The following UNC5B variants were observed in gnomAD, a reference collection of about 807,000 sequenced individuals.
UNC5B encodes the protein netrin receptor UNC5B.
Under a neutral mutation model 103.7 loss-of-function variants are expected in UNC5B, and 56 were observed. The observed-to-expected ratio is 0.54, with a 90% CI of 0.44 to 0.67. UNC5B has a LOEUF of 0.67. Among genes scored for constraint, UNC5B ranks in the 30% least tolerant of loss-of-function variants. UNC5B has a pLI of 0.00. For synonymous variants in UNC5B, 577 were observed against 542.0 expected, an observed-to-expected ratio of 1.06 and a Z score of -0.90; for missense variants, 1,194 against 1,284.5, an observed-to-expected ratio of 0.93 and a Z score of 1.08.
intron 1 of UNC5B, among the ~76,000 whole-genome samples, chr10:71,245,058 A>C (rs1843995523): frequency 6.6e-6 from 1 of 152,226 alleles, no homozygotes; most frequent in Non-Finnish European, 1.5e-5. Context: ...GAGGAATCAG[A>C]GTTCAGGAAA....
intron 1 of UNC5B, among the ~76,000 whole-genome samples, chr10:71,259,498 A>G (rs1354400491): frequency 6.6e-6 from 1 of 152,116 alleles, no homozygotes; most frequent in African/African-American, 2.4e-5. Context: ...TGTTCTGTTC[A>G]CCCATTCAAA....
intron 1 of UNC5B, among the ~76,000 whole-genome samples, chr10:71,234,027 AT>A (rs1843729727): frequency 2.0e-5 from 3 of 152,202 alleles, no homozygotes; most frequent in Non-Finnish European, 4.4e-5. Flanking sequence ...TATGTGTTAT[AT>A]GGCTCCCTTC....
intron 1 of UNC5B, among the ~76,000 whole-genome samples, chr10:71,228,128 A>G (rs1345869663): frequency 6.6e-6 from 1 of 152,222 alleles, no homozygotes; most frequent in African/African-American, 2.4e-5. Context: ...TTTTTAATAA[A>G]TGGTGCTCGG....
intron 1 of UNC5B, chr10:71,217,303 G>C (rs59587808): frequency 0.17 from 26,097 of 152,550 alleles, 2,537 homozygotes; most frequent in African/African-American, 0.27. Context: ...AGAACACTTT[G>C]CGGAAGGCCT....
At chr10:71,249,595 C>T (rs1381437829) in intron 1 of UNC5B, among the ~76,000 whole-genome samples, 1 of 152,180 alleles carries the variant, frequency 6.6e-6, no homozygotes, top group African/African-American at 2.4e-5. Context: ...ATGTGGCTTT[C>T]CAGCTGTCAT....
At chr10:71,225,924 G>T (rs534307199) in intron 1 of UNC5B, among the ~76,000 whole-genome samples, 1 of 152,026 alleles carries the variant, frequency 6.6e-6, no homozygotes, top group Non-Finnish European at 1.5e-5. Context: ...CCCCTCACAC[G>T]GCTCCTCTGC....
At chr10:71,227,315 G>T (rs1843584828) in intron 1 of UNC5B, among the ~76,000 whole-genome samples, 1 of 151,940 alleles carries the variant, frequency 6.6e-6, no homozygotes, top group Non-Finnish European at 1.5e-5. Flanking sequence ...AAGTAACTCA[G>T]GAATGGAAAA....
chr10:71,266,626 G>C (rs1844529786), intron 1 of UNC5B, among the ~76,000 whole-genome samples: 1 of 152,214 alleles, frequency 6.6e-6, no homozygotes, highest in African/African-American at 2.4e-5. Flanking sequence ...TGTCATCACA[G>C]AGTGGGCCAA....
intron 1 of UNC5B, among the ~76,000 whole-genome samples, chr10:71,219,109 C>A (rs1246460771): frequency 6.6e-6 from 1 of 152,090 alleles, no homozygotes; most frequent in Admixed American, 6.5e-5. Flanking sequence ...TCCCTCGCCC[C>A]ACCCTGGTGT....
intron 1 of UNC5B, among the ~76,000 whole-genome samples, chr10:71,240,187 C>T (rs940947362): frequency 1.3e-5 from 2 of 152,218 alleles, no homozygotes; most frequent in African/African-American, 4.8e-5. Context: ...TGTGCCCCCT[C>T]CCCCCATGGG....
chr10:71,294,070 C>T, intron 13 of UNC5B, 137 bp downstream of exon 13: 1 of 761,218 alleles, frequency 1.3e-6, no homozygotes, highest in South Asian at 1.9e-5. Flanking sequence ...CGCTTGCGAC[C>T]CTCACACACT....
intron 1 of UNC5B, among the ~76,000 whole-genome samples, chr10:71,266,355 C>G (rs769199902): frequency 7.2e-5 from 11 of 152,124 alleles, no homozygotes; most frequent in African/African-American, 9.7e-5. Flanking sequence ...TGGTGCCCCT[C>G]CTGGAGGAGC....
chr10:71,296,535 A>G, intron 14 of UNC5B, 43 bp from the exon 15 acceptor site: 2 of 1,605,756 alleles, frequency 1.2e-6, no homozygotes, highest in Non-Finnish European at 1.7e-6. Context: ...AGGACAGGGC[A>G]GGCTGGCCTT....
intron 1 of UNC5B, among the ~76,000 whole-genome samples, chr10:71,264,971 TAAAAAAA>T (rs34240729): frequency 8.3e-6 from 1 of 120,848 alleles, no homozygotes; most frequent in Non-Finnish European, 1.8e-5. Flanking sequence ...CCTGTCTCTA[TAAAAAAA>T]AAAAAAAAAA....
At chr10:71,276,661 T>C (rs1844778618) in intron 1 of UNC5B, among the ~76,000 whole-genome samples, 1 of 152,242 alleles carries the variant, frequency 6.6e-6, no homozygotes, top group Non-Finnish European at 1.5e-5. Context: ...CTCGAGCTCC[T>C]GAGCTCAGGC....
At chr10:71,232,326 C>T (rs962622680) in intron 1 of UNC5B, among the ~76,000 whole-genome samples, 2 of 152,192 alleles carry the variant, frequency 1.3e-5, no homozygotes, top group Non-Finnish European at 2.9e-5. Context: ...CACACCACCG[C>T]GTATGTGTTA....
intron 1 of UNC5B, among the ~76,000 whole-genome samples, chr10:71,270,384 G>A (rs1650191252): frequency 7.0e-6 from 1 of 143,260 alleles, no homozygotes; most frequent in African/African-American, 2.6e-5. Flanking sequence ...GGGAGGCAGG[G>A]AGGGAGGGAG....
intron 1 of UNC5B, among the ~76,000 whole-genome samples, chr10:71,222,526 C>CT (rs936595072): frequency 2.6e-5 from 4 of 151,954 alleles, no homozygotes; most frequent in African/African-American, 9.7e-5. Context: ...CCTCCTCCAC[C>CT]CCCCGATTTG....
chr10:71,241,347 G>A (rs150167943), intron 1 of UNC5B, among the ~76,000 whole-genome samples: 403 of 152,200 alleles, frequency 2.6e-3, no homozygotes, highest in Non-Finnish European at 3.0e-3. Flanking sequence ...CAAGAGCCCC[G>A]CAGAAACATC....
Sources: gnomAD v4.1 joint callset for allele counts (sites outside exome capture counted in the v4.1 genomes callset) on GRCh38, gnomAD v4.1.1 for gene constraint, MANE v1.5 for transcripts, NCBI Gene and HGNC (gene_info 2026-07-23, HGNC 2026-07-21) for gene names.